Variants in CELSR2 observed in about 807,000 individuals in gnomAD.
CELSR2 encodes EGF-like protein 2.
A neutral mutation model predicts 251.6 loss-of-function variants in CELSR2; 81 were observed. The ratio of observed to expected loss-of-function variants is 0.32; its 90% CI spans 0.27 to 0.39. The LOEUF (loss-of-function observed/expected upper bound fraction) is 0.39, where lower values mean the gene tolerates loss of function less well. CELSR2 is among the 10% of genes least tolerant of loss of function. CELSR2 has a pLI of 1.00. For missense variants in CELSR2, 3,365 were observed against 3,947.7 expected (o/e 0.85, Z 3.96); for synonymous variants, 1,721 against 1,670.5 (o/e 1.03, Z -0.74).
In CELSR2 at chr1:109,251,057, C is replaced by T. The variant is rs868134638; in HGVS notation, c.978C>T (p.Tyr326=). Residue 326 remains tyrosine (Y), a synonymous_variant, in exon 1 of 34, where the codon TAC becomes TAT. Coordinates refer to ENST00000271332, the MANE Select transcript of CELSR2 (RefSeq NM_001408.3). The surrounding 1 kb of genome is among the most constrained non-coding windows in gnomAD (Gnocchi z 4.9). ...GDAPPNANIL[Y]RLLEGSGGSP... ...CCCCTCCCAATGCCAATATTCTGTA[C>T]CGCCTGCTGGAGGGGTCTGGGGGCA... 1.5e-5 allele frequency: 25 copies of T among 1,613,392 alleles called. No homozygotes were observed. The highest frequency in any genetic ancestry group is 2.2e-5 in the East Asian group (1 of 44,886).
intron 15 of CELSR2, 25 bp downstream of exon 15, chr1:109,266,231 A>G: frequency 6.2e-7 from 1 of 1,612,906 alleles, no homozygotes; most frequent in East Asian, 2.2e-5. Flanking sequence ...CCCCGATGTG[A>G]TGTCGAGGAC....
Position 109,261,212 on chromosome 1 carries a change from T to C in CELSR2, c.4129T>C (p.Phe1377Leu), listed in dbSNP as rs1338583879. The C allele has an allele frequency of 6.2e-7, 1 of 1,614,064 alleles. No homozygotes were observed. The highest frequency in any genetic ancestry group is 8.5e-7 in the Non-Finnish European group (1 of 1,180,024). The change falls in exon 3 of 34, where the codon TTC (phenylalanine) becomes CTC (leucine). Residue 1377 changes from phenylalanine to leucine, a missense_variant. Around this residue, in one of 5 missense-constraint regions of CELSR2, gnomAD observed 2,093 missense variants for 2,382.8 expected, o/e 0.88. Transcript: ENST00000271332. The surrounding 1 kb of genome is among the most constrained non-coding windows in gnomAD (Gnocchi z 4.8). ...CACGCGCAGCTTCCCCGCCCACTCCTTCATCACCTTTCGCGGCCTGCGCCA... is the reference window on the plus strand; with the variant it reads ...CACGCGCAGCTTCCCCGCCCACTCCCTCATCACCTTTCGCGGCCTGCGCCA... ...VTTRSFPAHS[F>L]ITFRGLRQRF...
chr1:109,272,189 T>G, intron 28 of CELSR2, 89 bp from the exon 29 acceptor site: 5 of 1,475,612 alleles, frequency 3.4e-6, no homozygotes, highest in Non-Finnish European at 4.5e-6. Context: ...AAGGTGGAAC[T>G]TAGGGCAAGT....
At chr1:109,266,411 T>G (rs529802529) in intron 15 of CELSR2, 34 of 619,348 alleles carry the variant, frequency 5.5e-5, no homozygotes, top group East Asian at 2.4e-4. Flanking sequence ...TTTTGTTTTG[T>G]TTTGGTTTGG....
intron 1 of CELSR2, among the ~76,000 whole-genome samples, chr1:109,256,245 CA>C (rs1234499233): frequency 5.9e-5 from 9 of 152,018 alleles, no homozygotes; most frequent in Admixed American, 5.9e-4. Context: ...TGAGCTAGGG[CA>C]GGTTAGAAGA....
intron 2 of CELSR2, 84 bp from the exon 3 acceptor site, chr1:109,260,958 G>A (rs1656003185): frequency 2.9e-6 from 3 of 1,039,108 alleles, no homozygotes; most frequent in Middle Eastern, 2.5e-4. Flanking sequence ...GGAGGCCATG[G>A]GAGCTATCAC....
rs186627464 is a variant in CELSR2 at position 109,258,394 on chromosome 1, A to C, written c.3311-38A>C. Reference sequence around the variant, plus strand: ...TGCAGGAATATGCAGGCTGAATTGCAGCCCCAGGCTGGGTCCTGACTGTGT... The same window carrying C: ...TGCAGGAATATGCAGGCTGAATTGCCGCCCCAGGCTGGGTCCTGACTGTGT... On this transcript the variant is annotated intron_variant, in intron 1 of 33. Coordinates refer to ENST00000271332, the MANE Select transcript of CELSR2 (RefSeq NM_001408.3). 300 of 1,468,100 alleles carry C rather than the reference A, an allele frequency of 2.0e-4. 3 individuals are homozygous for C. The South Asian group carries it at 2.7e-3, about 13-fold the overall frequency. 90.9% of individuals were successfully genotyped at this position (1,468,100 alleles called of 1,614,324 possible).
Position 109,261,802 on chromosome 1 carries a change from C to T in CELSR2, c.4298-6C>T, listed in dbSNP as rs1482808869. ...GGCATTCCAGCTCACCTGGTCCTTT[C>T]CCCAGGGGAGTCAACCACCACGGTG... On this transcript the variant is annotated splice_region_variant and splice_polypyrimidine_tract_variant and intron_variant, in intron 4 of 33. Transcript: ENST00000271332. This position sits in a 1 kb window ranked among gnomAD's most constrained non-coding sequence, Gnocchi z 4.8. The T allele has an allele frequency of 1.9e-6, 3 of 1,587,178 alleles. No individual in the cohort carries two copies. Among genetic ancestry groups the T allele is most frequent in the Non-Finnish European group, 2.6e-6 (3 of 1,164,934 alleles).
chr1:109,254,026 G>A (rs1261671139), intron 1 of CELSR2, among the ~76,000 whole-genome samples: 1 of 152,240 alleles, frequency 6.6e-6, no homozygotes, highest in East Asian at 1.9e-4. Flanking sequence ...CACAGGAAGT[G>A]AGGCCAGAGC....
chr1:109,267,598 CT>C lies in CELSR2; in HGVS notation c.6065del (p.Leu2022ProfsTer12). ...GCACAGGGGGTGGCTCCCCCCAAAC[CT>C]CTTCAACTGCACGTCCATCACCTTC... ...DEHRGWLPPN[L>X]FNCTSITFSE... On this transcript the variant is annotated frameshift_variant, in exon 16 of 34. Coordinates refer to ENST00000271332, the MANE Select transcript of CELSR2 (RefSeq NM_001408.3). LOFTEE classifies it high-confidence loss of function. The C allele has an allele frequency of 6.2e-7, 1 of 1,614,186 alleles. No individual in the cohort carries two copies. The highest frequency in any genetic ancestry group is 1.1e-5 in the South Asian group (1 of 91,088).
At chr1:109,273,694 A>T in intron 33 of CELSR2, 24 bp downstream of exon 33, 11 of 1,028,752 alleles carry the variant, frequency 1.1e-5, no homozygotes, top group Middle Eastern at 3.3e-4. Flanking sequence ...GGTGGGCGGG[A>T]CGGGGTGCAG....
intron 8 of CELSR2, 72 bp from the exon 9 acceptor site, chr1:109,263,539 C>T (rs535047953): frequency 6.4e-6 from 10 of 1,570,040 alleles, no homozygotes; most frequent in Non-Finnish European, 8.7e-6. Context: ...GCAGCCGCCA[C>T]CGCTGAGCAT....
In CELSR2 at chr1:109,250,271, C is replaced by T; in HGVS notation, c.192C>T (p.Asn64=). ...GGCTCTGTCCATCCTCAGCGTCGAACCTCTGGCTCTACACCAGCCGCTGCA... is the reference window on the plus strand; with the variant it reads ...GGCTCTGTCCATCCTCAGCGTCGAATCTCTGGCTCTACACCAGCCGCTGCA... ...MGWLCPSSAS[N]LWLYTSRCRD... The change falls in exon 1 of 34, where the codon AAC becomes AAT. Residue 64 remains asparagine (N), a synonymous_variant. Transcript: ENST00000271332. This position sits in a 1 kb window ranked among gnomAD's most constrained non-coding sequence, Gnocchi z 4.4. 2 of 1,612,794 alleles carry T rather than the reference C, an allele frequency of 1.2e-6. No individual in the cohort carries two copies. Among genetic ancestry groups the T allele is most frequent in the Non-Finnish European group, 1.7e-6 (2 of 1,179,796 alleles).
Position 109,261,474 on chromosome 1 carries a change from G to A in CELSR2, c.4182-39G>A, listed in dbSNP as rs1233569976. On this transcript the variant is annotated intron_variant, in intron 3 of 33. Coordinates refer to ENST00000271332, the MANE Select transcript of CELSR2 (RefSeq NM_001408.3). The surrounding 1 kb of genome is among the most constrained non-coding windows in gnomAD (Gnocchi z 4.8). ...GGCGGGGGTGCTGGCATCCAGGTGG[G>A]TACCCCATTCCCTGCCCCCATCCCC... 1.3e-6 allele frequency: 2 copies of A among 1,582,164 alleles called. No homozygotes were observed. The highest frequency in any genetic ancestry group is 1.1e-5 in the South Asian group (1 of 90,420).
rs775626933 is a variant in CELSR2 at position 109,261,107 on chromosome 1, A to G, written c.4024A>G (p.Thr1342Ala). The G allele has an allele frequency of 1.7e-5, 28 of 1,613,940 alleles. No individual in the cohort carries two copies. Among genetic ancestry groups the G allele is most frequent in the Non-Finnish European group, 2.3e-5 (27 of 1,180,006 alleles). ...CCCGGGTGTCTGCAAGAATGGGGGC[A>G]CCTGTGTCAACCTGCTGGTGGGCGG... Reference protein sequence around the residue: ...CTPGVCKNGGTCVNLLVGGFK... With the variant: ...CTPGVCKNGGACVNLLVGGFK... Residue 1342 changes from threonine to alanine, a missense_variant, in exon 3 of 34, where the codon ACC becomes GCC. Thr to Ala is a moderately conservative substitution (Grantham distance 58). This residue lies in a region of CELSR2 where 2,093 missense variants were observed against 2,382.8 expected (regional missense o/e 0.88). Coordinates refer to ENST00000271332, the MANE Select transcript of CELSR2 (RefSeq NM_001408.3). This position sits in a 1 kb window ranked among gnomAD's most constrained non-coding sequence, Gnocchi z 4.8.
At position 109,250,587 on chromosome 1, in the gene CELSR2, C is replaced by T. The variant is rs182794327; in HGVS notation, c.508C>T (p.Arg170Cys). The T allele has an allele frequency of 6.2e-7, 1 of 1,614,030 alleles. No homozygotes were observed. Among genetic ancestry groups the T allele is most frequent in the Non-Finnish European group, 8.5e-7 (1 of 1,180,008 alleles). Reference protein sequence around the residue: ...ERSPEESLGGRRKRNVNTAPQ... With the variant: ...ERSPEESLGGCRKRNVNTAPQ... ...GTCACCAGAAGAGTCCCTGGGTGGG[C>T]GTCGGAAAAGGAATGTAAATACAGC... Residue 170 changes from arginine (R) to cysteine (C), a missense_variant, in exon 1 of 34, where the codon CGT (arginine) becomes TGT (cysteine). By Grantham distance (180) the Arg-to-Cys change is radical (BLOSUM62 -3). Coordinates refer to ENST00000271332, the MANE Select transcript of CELSR2 (RefSeq NM_001408.3). This position sits in a 1 kb window ranked among gnomAD's most constrained non-coding sequence, Gnocchi z 4.4.
At chr1:109,259,771 C>G (rs1655968092) in intron 2 of CELSR2, among the ~76,000 whole-genome samples, 1 of 152,180 alleles carries the variant, frequency 6.6e-6, no homozygotes, top group Non-Finnish European at 1.5e-5. Flanking sequence ...CAGAATGGCT[C>G]CGCCTCCGCC....
chr1:109,268,465 A>G, intron 17 of CELSR2, 116 bp from the exon 18 acceptor site: 1 of 1,347,834 alleles, frequency 7.4e-7, no homozygotes, highest in Non-Finnish European at 9.9e-7. Context: ...AACAGTGAGC[A>G]CAGAGGGAGG....
intron 8 of CELSR2, 52 bp from the exon 9 acceptor site, chr1:109,263,559 A>G: frequency 1.3e-6 from 2 of 1,597,360 alleles, no homozygotes; most frequent in Non-Finnish European, 8.6e-7. Context: ...TCACAGCCCC[A>G]GGGCCCTCTG....
Sources: gnomAD v4.1 joint callset for allele counts (sites outside exome capture counted in the v4.1 genomes callset) on GRCh38, gnomAD v4.1.1 for gene constraint, gnomAD v4.1.1 regional missense constraint, Gnocchi (gnomAD v3.1) non-coding constraint, MANE v1.5 for transcripts, NCBI Gene and HGNC (gene_info 2026-07-23, HGNC 2026-07-21) for gene names.